The following PLEKHG1 variants were observed in gnomAD, a reference collection of about 807,000 sequenced individuals.
PLEKHG1 encodes pleckstrin homology and RhoGEF domain containing G1.
Under a neutral mutation model 100.8 loss-of-function variants are expected in PLEKHG1, and 44 were observed. The observed-to-expected ratio is 0.44, with a 90% CI of 0.34 to 0.56. The LOEUF (loss-of-function observed/expected upper bound fraction) is 0.56, where lower values mean the gene tolerates loss of function less well. Ranked by LOEUF, PLEKHG1 falls within the 20% of genes least tolerant of loss-of-function variation. The pLI is 0.01. For missense variants in PLEKHG1, 1,545 were observed against 1,720.9 expected, an observed-to-expected ratio of 0.90 and a Z score of 1.81; for synonymous variants, 640 against 662.5, an observed-to-expected ratio of 0.97 and a Z score of 0.52.
chr6:150,672,736 TTGAG>T (rs770054086), intron 3 of PLEKHG1, among the ~76,000 whole-genome samples: 168 of 152,340 alleles, frequency 1.1e-3, no homozygotes, highest in African/African-American at 3.4e-3. Context: ...TTTTTCAAGT[TTGAG>T]TGAGAAGAAA....
At position 150,777,568 on chromosome 6, in the gene PLEKHG1, G is replaced by A. The variant is rs558935260; in HGVS notation, c.513-8822G>A. On this transcript the variant is annotated intron_variant, in intron 3 of 15. Coordinates refer to ENST00000358517, the Ensembl canonical transcript of PLEKHG1. ...TTACTCACACTGATGCAATCCTGGT[G>A]TACATGTGCGGTTGCACATCAGCCA... Among the ~76,000 whole-genome samples, 3 of 149,084 alleles carry A rather than the reference G, an allele frequency of 2.0e-5. No homozygotes were observed. The East Asian group carries it at 6.0e-4, about 30-fold the overall frequency.
intron 7 of PLEKHG1, among the ~76,000 whole-genome samples, chr6:150,806,223 CTTTTTTTTTTT>C (rs58040509): frequency 1.1e-5 from 1 of 89,764 alleles, no homozygotes; most frequent in African/African-American, 4.0e-5. Flanking sequence ...TTCCAGGCTG[CTTTTTTTTTTT>C]TTTTTTTTTT....
chr6:150,819,138 C>T (rs1440788193), intron 11 of PLEKHG1, among the ~76,000 whole-genome samples: 39 of 148,466 alleles, frequency 2.6e-4, no homozygotes, highest in African/African-American at 7.5e-4. Flanking sequence ...TTTTTTTGGC[C>T]GGGTGTGGTG....
chr6:150,643,811 A>T (rs998912933), intron 2 of PLEKHG1, among the ~76,000 whole-genome samples: 3 of 152,198 alleles, frequency 2.0e-5, no homozygotes, highest in Admixed American at 2.0e-4. Flanking sequence ...TAGGAGGCTA[A>T]GAAATAGCTA....
At chr6:150,764,835 T>C (rs1053738547) in intron 2 of PLEKHG1, among the ~76,000 whole-genome samples, 7 of 152,196 alleles carry the variant, frequency 4.6e-5, no homozygotes, top group Non-Finnish European at 7.3e-5. Flanking sequence ...CTGCCCTCTC[T>C]TGTGAACTGA....
chr6:150,784,770 A>C (rs1000441416), intron 3 of PLEKHG1, among the ~76,000 whole-genome samples: 1 of 152,214 alleles, frequency 6.6e-6, no homozygotes, highest in Non-Finnish European at 1.5e-5. Context: ...AAAAAGAAAA[A>C]AAAAGAGAAA....
At chr6:150,629,617 C>T (rs1380376068) in intron 1 of PLEKHG1, among the ~76,000 whole-genome samples, 2 of 152,102 alleles carry the variant, frequency 1.3e-5, no homozygotes, top group Non-Finnish European at 2.9e-5. Flanking sequence ...CGCGGCATCA[C>T]GCCCAGCTAA....
chr6:150,683,677 T>C lies in PLEKHG1; in HGVS notation c.-99+32891T>C. ...TGGCAAACTAAGGATGACAGAGTGT[T>C]CAATGATGCTGTTCAACTTGAACCC... On this transcript the variant is annotated intron_variant, in intron 3 of 3. Coordinates refer to the PLEKHG1 transcript ENST00000367326. This position sits in a 1 kb window ranked among gnomAD's most constrained non-coding sequence, Gnocchi z 4.0. 1 of 665,448 alleles carries C rather than the reference T, an allele frequency of 1.5e-6. No homozygotes were observed. The highest frequency in any genetic ancestry group is 2.2e-6 in the Non-Finnish European group (1 of 454,252). 41.2% of individuals were successfully genotyped at this position (665,448 alleles called of 1,614,324 possible).
chr6:150,683,721 C>T lies in PLEKHG1; in HGVS notation c.-99+32935C>T, dbSNP rs1384818960. ...TGAACCCTGAGTTGACACACGGACC[C>T]CTCTGCGCTAGTATCCAGGGCATAG... is the stretch of plus-strand genomic sequence containing the variant. On this transcript the variant is annotated intron_variant, in intron 3 of 3. Transcript: ENST00000367326. This position sits in a 1 kb window ranked among gnomAD's most constrained non-coding sequence, Gnocchi z 4.0. 1.8e-6 allele frequency: 2 copies of T among 1,139,868 alleles called. No homozygotes were observed. Among genetic ancestry groups the T allele is most frequent in the Non-Finnish European group, 2.3e-6 (2 of 866,032 alleles). The allele number at this position is 1,139,868 out of a possible 1,614,324, so 70.6% of individuals were successfully genotyped here. A position where few individuals can be genotyped will look rare whatever the true frequency, so the allele number is the denominator to read the frequency against.
At chr6:150,689,221 A>T (rs1562437958) in intron 3 of PLEKHG1, among the ~76,000 whole-genome samples, 1 of 152,174 alleles carries the variant, frequency 6.6e-6, no homozygotes, top group African/African-American at 2.4e-5. Flanking sequence ...AGTTCATTTC[A>T]TTTTATGACT....
At chr6:150,724,092 G>C (rs1781836198) in intron 1 of PLEKHG1, among the ~76,000 whole-genome samples, 1 of 152,238 alleles carries the variant, frequency 6.6e-6, no homozygotes, top group African/African-American at 2.4e-5. Context: ...TCTAGCACCA[G>C]TGACTGCAAG....
chr6:150,764,492 C>T (rs1483770465), intron 2 of PLEKHG1, among the ~76,000 whole-genome samples: 2 of 152,142 alleles, frequency 1.3e-5, no homozygotes, highest in Non-Finnish European at 1.5e-5. Context: ...AGCTATGTAG[C>T]GTGGAAGATT....
At chr6:150,769,445 G>A (rs1381864583) in intron 3 of PLEKHG1, among the ~76,000 whole-genome samples, 1 of 151,802 alleles carries the variant, frequency 6.6e-6, no homozygotes, top group Non-Finnish European at 1.5e-5. Flanking sequence ...AGCCAGGTAT[G>A]GTGGTGCACA....
rs991766196 is a variant in PLEKHG1, at chr6:150,665,396, C to T, written c.-99+14610C>T. 9.2e-5 allele frequency among the ~76,000 whole-genome samples: 14 copies of T among 152,142 alleles called. No individual in the cohort carries two copies. The East Asian group carries it at 2.1e-3, about 23-fold the overall frequency. On this transcript the variant is annotated intron_variant, in intron 3 of 3. Coordinates refer to the PLEKHG1 transcript ENST00000367326. ...CTGTAATCCCAACACTTTGGGAGGC[C>T]GAGGCAGGTAGATCACGAGGTCAGG...
chr6:150,716,065 G>T (rs1480500197), intron 3 of PLEKHG1, among the ~76,000 whole-genome samples: 6 of 146,702 alleles, frequency 4.1e-5, no homozygotes, highest in African/African-American at 1.5e-4. Context: ...CCGAGATCGC[G>T]CCACTGCACT....
intron 1 of PLEKHG1, among the ~76,000 whole-genome samples, chr6:150,626,672 G>T (rs1339151004): frequency 6.6e-6 from 1 of 152,178 alleles, no homozygotes; most frequent in Non-Finnish European, 1.5e-5. Flanking sequence ...TCTTTGGGGA[G>T]GTGCGTGTAA....
chr6:150,747,764 C>T (rs919957653), intron 2 of PLEKHG1, among the ~76,000 whole-genome samples: 1 of 151,932 alleles, frequency 6.6e-6, no homozygotes, highest in Non-Finnish European at 1.5e-5. Context: ...GGCGTGGTGG[C>T]GCATGTGTGT....
intron 3 of PLEKHG1, among the ~76,000 whole-genome samples, chr6:150,779,555 A>G (rs1785193372): frequency 6.6e-6 from 1 of 151,762 alleles, no homozygotes; most frequent in African/African-American, 2.4e-5. Context: ...CATGTTAGTC[A>G]GGTTGGTCTC....
chr6:150,730,565 G>A (rs1782194478), intron 1 of PLEKHG1, among the ~76,000 whole-genome samples: 1 of 152,102 alleles, frequency 6.6e-6, no homozygotes. Context: ...GTGCTGCTTG[G>A]TTCCTGACAG....
Sources: gnomAD v4.1 joint callset for allele counts (sites outside exome capture counted in the v4.1 genomes callset) on GRCh38, gnomAD v4.1.1 for gene constraint, Gnocchi (gnomAD v3.1) non-coding constraint, MANE v1.5 for transcripts, NCBI Gene and HGNC (gene_info 2026-07-23, HGNC 2026-07-21) for gene names.